Variants in ATM observed in about 807,000 individuals in gnomAD.
The protein encoded by ATM is ATM serine/threonine kinase.
Under a neutral mutation model 387.0 loss-of-function variants are expected in ATM, and 308 were observed. That is an observed-to-expected ratio of 0.80 (90% confidence interval 0.73 to 0.87). ATM has a LOEUF of 0.87. Among genes scored for constraint, ATM ranks in the 40% least tolerant of loss-of-function variants. The pLI is 0.00. For synonymous variants in ATM, 1,156 were observed against 1,187.3 expected (o/e 0.97, Z 0.54); for missense variants, 3,312 against 3,560.9 (o/e 0.93, Z 1.78).
At chr11:108,234,006 G>A (rs2079147693) in intron 4 of ATM, among the ~76,000 whole-genome samples, 1 of 152,082 alleles carries the variant, frequency 6.6e-6, no homozygotes, top group African/African-American at 2.4e-5. Flanking sequence ...AATTTTTATT[G>A]AGCATTTGCT....
At chr11:108,289,462 C>T in intron 28 of ATM, 140 bp from the exon 29 acceptor site, 1 of 723,718 alleles carries the variant, frequency 1.4e-6, no homozygotes, top group Non-Finnish European at 2.1e-6. Flanking sequence ...ATATCAAACC[C>T]AAATCTAAAT....
intron 16 of ATM, among the ~76,000 whole-genome samples, chr11:108,262,628 T>C (rs2080968907): frequency 1.3e-5 from 2 of 152,142 alleles, no homozygotes; most frequent in African/African-American, 2.4e-5. Context: ...AATTCACACA[T>C]AACAATGTTA....
chr11:108,249,362 A>T (rs1049937069), intron 9 of ATM, among the ~76,000 whole-genome samples: 5 of 152,186 alleles, frequency 3.3e-5, no homozygotes, highest in African/African-American at 1.2e-4. Flanking sequence ...TGGCTCTCTG[A>T]TAGGCAATTA....
intron 31 of ATM, among the ~76,000 whole-genome samples, chr11:108,294,046 G>GT (rs1332411507): frequency 6.6e-6 from 1 of 151,318 alleles, no homozygotes; most frequent in Non-Finnish European, 1.5e-5. Flanking sequence ...AAACTTCCTG[G>GT]TAAAGATCCA....
rs140069858 is a variant in ATM at position 108,235,349 on chromosome 11, C to T, written c.332-321C>T. Among the ~76,000 whole-genome samples, 205 of 151,488 alleles carry T rather than the reference C, an allele frequency of 1.4e-3. 1 individual carries two copies. The highest frequency in any genetic ancestry group is 4.7e-3 in the African/African-American group (193 of 41,278). ...TTGCTATATATTCCTATAAAAGAGG[C>T]GTTGGCAAACTTACTGTGTAAAGAG... On this transcript the variant is annotated intron_variant, in intron 4 of 62. Coordinates refer to ENST00000675843, the MANE Select transcript of ATM (RefSeq NM_000051.4).
At position 108,284,370 on chromosome 11, in the gene ATM, A is replaced by AT. The variant is rs587781823; in HGVS notation, c.3894dup (p.Ala1299CysfsTer3). On this transcript the variant is annotated frameshift_variant, in exon 26 of 63. Coordinates refer to ENST00000675843, the MANE Select transcript of ATM (RefSeq NM_000051.4). LOFTEE classifies it high-confidence loss of function. ...AAGATTCTTGTAAATATTCTTCCTT[A>AT]TTTTGCCTATGAGGGTACCAGAGAC... 1 of 1,613,980 alleles carries AT rather than the reference A, an allele frequency of 6.2e-7. No homozygotes were observed. The highest frequency in any genetic ancestry group is 8.5e-7 in the Non-Finnish European group (1 of 1,179,944).
At chr11:108,342,961 A>G (rs1394156309) in intron 56 of ATM, among the ~76,000 whole-genome samples, 27 of 152,220 alleles carry the variant, frequency 1.8e-4, no homozygotes. Flanking sequence ...TATAGTTAAC[A>G]GGAGTGACCT....
At chr11:108,284,984 G>T (rs1450779343) in intron 26 of ATM, among the ~76,000 whole-genome samples, 2 of 152,006 alleles carry the variant, frequency 1.3e-5, no homozygotes, top group Non-Finnish European at 2.9e-5. Flanking sequence ...TTTTGAGACA[G>T]AGTCTTACTC....
intron 43 of ATM, among the ~76,000 whole-genome samples, chr11:108,319,231 A>G (rs2085009460): frequency 6.6e-6 from 1 of 152,216 alleles, no homozygotes; most frequent in Non-Finnish European, 1.5e-5. Context: ...TAAGACTGCT[A>G]TAAAATTAGA....
At chr11:108,247,183 A>G in intron 8 of ATM, 56 bp downstream of exon 8, 1 of 1,592,358 alleles carries the variant, frequency 6.3e-7, no homozygotes, top group Non-Finnish European at 8.6e-7. Flanking sequence ...TTTTTTTTAA[A>G]CTGGGCATTT....
rs73545062 is a variant in ATM at position 108,363,442 on chromosome 11, T to C, written c.8851-1640T>C. Among the ~76,000 whole-genome samples the C allele has an allele frequency of 9.1e-3, 1,389 of 152,300 alleles. 20 individuals carry two copies. Among genetic ancestry groups the C allele is most frequent in the African/African-American group, 0.031 (1,301 of 41,562 alleles). On this transcript the variant is annotated intron_variant, in intron 61 of 62. Coordinates refer to ENST00000675843, the MANE Select transcript of ATM (RefSeq NM_000051.4). ...GATTTTATGTGTTATGCTAAGGAAA[T>C]ATATCTCTCCCTCTAACTCAGTGAT...
rs138303681 is a variant in ATM at position 108,347,944 on chromosome 11, T to C, written c.8671+579T>C. Among the ~76,000 whole-genome samples the C allele has an allele frequency of 8.7e-3, 1,325 of 152,272 alleles. 20 individuals are homozygous for C. Among genetic ancestry groups the C allele is most frequent in the African/African-American group, 0.03 (1,236 of 41,554 alleles). ...TTAAGGGATATTGTAATAGTTTAGA[T>C]GAGAAATGATGAAGATTTATACTAA... On this transcript the variant is annotated intron_variant, in intron 59 of 62. Transcript: ENST00000675843.
rs376922744 is a variant in ATM at position 108,354,902 on chromosome 11, T to G, written c.8850+28T>G. 1.3e-6 allele frequency: 2 copies of G among 1,566,182 alleles called. No homozygotes were observed. Among genetic ancestry groups the G allele is most frequent in the African/African-American group, 1.4e-5 (1 of 73,942 alleles). On this transcript the variant is annotated intron_variant, in intron 61 of 62. Coordinates refer to ENST00000675843, the MANE Select transcript of ATM (RefSeq NM_000051.4). Reference sequence around the variant, plus strand: ...AAAGTATTTTATAAGGAAGACTTTATTTTTTTTCTTACCAGGTAGACTGTG... The same window carrying G: ...AAAGTATTTTATAAGGAAGACTTTAGTTTTTTTCTTACCAGGTAGACTGTG...
intron 44 of ATM, 74 bp from the exon 45 acceptor site, chr11:108,321,227 C>T: frequency 6.3e-7 from 1 of 1,590,256 alleles, no homozygotes; most frequent in Non-Finnish European, 8.6e-7. Flanking sequence ...AACTCTTTAA[C>T]AACAAATTTA....
At chr11:108,356,969 G>C (rs1029635402) in intron 61 of ATM, among the ~76,000 whole-genome samples, 1 of 152,166 alleles carries the variant, frequency 6.6e-6, no homozygotes, top group Non-Finnish European at 1.5e-5. Flanking sequence ...GAACAGCTCC[G>C]GTATACAGCT....
chr11:108,280,273 C>T (rs1159043523), intron 23 of ATM, among the ~76,000 whole-genome samples: 1 of 151,922 alleles, frequency 6.6e-6, no homozygotes, highest in African/African-American at 2.4e-5. Flanking sequence ...TTAAATCAGC[C>T]TGTCATCTGC....
At chr11:108,317,604 C>G (rs1267085713) in intron 43 of ATM, 83 bp downstream of exon 43, 7 of 790,858 alleles carry the variant, frequency 8.9e-6, no homozygotes, top group Non-Finnish European at 1.3e-5. Flanking sequence ...ATGAATATAA[C>G]AGGAGTTGTT....
chr11:108,267,443 C>T, intron 17 of ATM, 101 bp downstream of exon 17: 1 of 1,044,354 alleles, frequency 9.6e-7, no homozygotes, highest in Non-Finnish European at 1.5e-6. Context: ...ATTTCATTTT[C>T]TCTTAGTATA....
chr11:108,338,342 A>T (rs2087086570), intron 56 of ATM, among the ~76,000 whole-genome samples: 1 of 152,058 alleles, frequency 6.6e-6, no homozygotes, highest in Non-Finnish European at 1.5e-5. Flanking sequence ...ACAGACCGAG[A>T]CTTCTTCTCA....
Sources: gnomAD v4.1 joint callset for allele counts (sites outside exome capture counted in the v4.1 genomes callset) on GRCh38, gnomAD v4.1.1 for gene constraint, MANE v1.5 for transcripts, NCBI Gene and HGNC (gene_info 2026-07-23, HGNC 2026-07-21) for gene names.